ABTB2: variants seen among roughly 807,000 people sequenced by gnomAD.
ABTB2 encodes ankyrin repeat and BTB/POZ domain-containing protein 2.
Under a neutral mutation model 104.1 loss-of-function variants are expected in ABTB2, and 56 were observed. The observed-to-expected ratio is 0.54, with a 90% CI of 0.43 to 0.67. The LOEUF is 0.67. ABTB2 is among the 30% of genes least tolerant of loss of function. The pLI, the probability that ABTB2 is intolerant of heterozygous loss-of-function variation, is 0.00. For missense variants in ABTB2, 1,279 were observed against 1,407.7 expected, an observed-to-expected ratio of 0.91 and a Z score of 1.46; for synonymous variants, 606 against 608.2, an observed-to-expected ratio of 1.00 and a Z score of 0.05.
intron 1 of ABTB2, among the ~76,000 whole-genome samples, chr11:34,211,257 A>G (rs1853477232): frequency 6.6e-6 from 1 of 152,116 alleles, no homozygotes; most frequent in Non-Finnish European, 1.5e-5. Flanking sequence ...ACAGGGGCAC[A>G]CTGCCGTGTC....
chr11:34,350,041 T>G (rs1033890550), intron 1 of ABTB2, among the ~76,000 whole-genome samples: 1 of 152,058 alleles, frequency 6.6e-6, no homozygotes, highest in South Asian at 2.1e-4. Context: ...AGCCTCTCAT[T>G]TTACAGTAGA....
chr11:34,312,210 G>T (rs1457540844), intron 1 of ABTB2, among the ~76,000 whole-genome samples: 1 of 152,086 alleles, frequency 6.6e-6, no homozygotes, highest in Non-Finnish European at 1.5e-5. Context: ...GTTCTGCCTG[G>T]AAAGGCATCT....
chr11:34,306,143 T>C (rs1173640753), intron 1 of ABTB2, among the ~76,000 whole-genome samples: 7 of 151,164 alleles, frequency 4.6e-5, no homozygotes, highest in African/African-American at 1.7e-4. Context: ...ACCATGACTC[T>C]AAACTAATTT....
At chr11:34,162,922 G>C in intron 9 of ABTB2, 117 bp from the exon 10 acceptor site, 1 of 946,524 alleles carries the variant, frequency 1.1e-6, no homozygotes, top group East Asian at 2.6e-5. Context: ...CCGAGGGCTC[G>C]GAGTTTCATG....
chr11:34,315,624 C>G (rs1402809213), intron 1 of ABTB2, among the ~76,000 whole-genome samples: 1 of 152,226 alleles, frequency 6.6e-6, no homozygotes, highest in East Asian at 1.9e-4. Flanking sequence ...CTGCCCCAAT[C>G]ATAGCTCACC....
intron 1 of ABTB2, among the ~76,000 whole-genome samples, chr11:34,280,213 C>T (rs886911660): frequency 4.6e-5 from 7 of 152,054 alleles, no homozygotes; most frequent in African/African-American, 1.4e-4. Context: ...GGAAGAATGG[C>T]GCAGGAATGG....
chr11:34,168,662 A>AT (rs1183965306), intron 5 of ABTB2, among the ~76,000 whole-genome samples: 1 of 152,244 alleles, frequency 6.6e-6, no homozygotes, highest in Non-Finnish European at 1.5e-5. Context: ...GGCAGGAACC[A>AT]GGCCTCCATA....
At chr11:34,262,278 T>C (rs1854196532) in intron 1 of ABTB2, among the ~76,000 whole-genome samples, 1 of 152,210 alleles carries the variant, frequency 6.6e-6, no homozygotes. Context: ...TTTTGGCAGC[T>C]AGTATTCCTT....
chr11:34,290,959 T>C (rs576191829), intron 1 of ABTB2, among the ~76,000 whole-genome samples: 1 of 152,336 alleles, frequency 6.6e-6, no homozygotes, highest in South Asian at 2.1e-4. Flanking sequence ...CACAAGAGAC[T>C]AACATTCATT....
At chr11:34,290,537 A>C (rs116138869) in intron 1 of ABTB2, among the ~76,000 whole-genome samples, 1,821 of 152,326 alleles carry the variant, frequency 0.012, 33 homozygotes, top group African/African-American at 0.04. Context: ...CAAGGGCAGG[A>C]TGCCTTCAAG....
At chr11:34,315,215 C>G (rs1466758240) in intron 1 of ABTB2, among the ~76,000 whole-genome samples, 1 of 152,218 alleles carries the variant, frequency 6.6e-6, no homozygotes, top group Non-Finnish European at 1.5e-5. Flanking sequence ...GGACCAGACC[C>G]TTGGTCGAGG....
intron 1 of ABTB2, among the ~76,000 whole-genome samples, chr11:34,238,227 C>CT (rs1156829930): frequency 1.3e-5 from 2 of 152,268 alleles, no homozygotes; most frequent in East Asian, 3.9e-4. Context: ...TGAAGTATTC[C>CT]TTTCCCCTGG....
At chr11:34,261,017 G>C (rs777009973) in intron 1 of ABTB2, among the ~76,000 whole-genome samples, 4 of 152,100 alleles carry the variant, frequency 2.6e-5, no homozygotes, top group Admixed American at 6.6e-5. Flanking sequence ...CAGCTACCTG[G>C]GAAGCTGAGG....
chr11:34,250,366 T>C (rs1854040588), intron 1 of ABTB2, among the ~76,000 whole-genome samples: 1 of 152,192 alleles, frequency 6.6e-6, no homozygotes, highest in African/African-American at 2.4e-5. Context: ...CCAGCACCCA[T>C]GAAGATGTCT....
In ABTB2 at chr11:34,162,044, A is replaced by T. The variant is rs539478798; in HGVS notation, c.2218+532T>A. ...GATGTCACCTCATTCTTAGATAAGG[A>T]TCATTAGCACCAAAGCCACAGAGGT... On this transcript the variant is annotated intron_variant, in intron 10 of 16. Coordinates refer to ENST00000435224, the MANE Select transcript of ABTB2 (RefSeq NM_145804.3). 2.0e-5 allele frequency among the ~76,000 whole-genome samples: 3 copies of T among 152,266 alleles called. No homozygotes were observed. The East Asian group carries it at 5.8e-4, about 29-fold the overall frequency.
intron 1 of ABTB2, among the ~76,000 whole-genome samples, chr11:34,297,939 A>T (rs1854644769): frequency 6.6e-6 from 1 of 152,058 alleles, no homozygotes; most frequent in South Asian, 2.1e-4. Context: ...TCCCAGGGAC[A>T]TTGGGCTATC....
chr11:34,218,679 A>C (rs181188312), intron 1 of ABTB2, among the ~76,000 whole-genome samples: 185 of 151,826 alleles, frequency 1.2e-3, no homozygotes, highest in African/African-American at 4.4e-3. Flanking sequence ...GAGAAACCCC[A>C]TCTCTACTAA....
intron 3 of ABTB2, among the ~76,000 whole-genome samples, chr11:34,174,986 CCTCGGGG>C (rs2133019517): frequency 6.6e-6 from 1 of 152,386 alleles, no homozygotes; most frequent in South Asian, 2.1e-4. Flanking sequence ...ACCCCAACTC[CCTCGGGG>C]CTCTTGGAGC....
At chr11:34,352,845 C>G (rs762500981) in intron 1 of ABTB2, among the ~76,000 whole-genome samples, 11 of 152,154 alleles carry the variant, frequency 7.2e-5, no homozygotes, top group Non-Finnish European at 1.6e-4. Flanking sequence ...CCCTTGAGCC[C>G]AGGAGTTTAA....
Sources: gnomAD v4.1 joint callset for allele counts (sites outside exome capture counted in the v4.1 genomes callset) on GRCh38, gnomAD v4.1.1 for gene constraint, MANE v1.5 for transcripts, NCBI Gene and HGNC (gene_info 2026-07-23, HGNC 2026-07-21) for gene names.